Variants in SCHIP1 observed in about 807,000 individuals in gnomAD.
The protein encoded by SCHIP1 is schwannomin interacting protein 1, also known as schwannomin-interacting protein 1.
SCHIP1 carries 8 observed loss-of-function variants against 29.7 expected under a neutral mutation model. The ratio of observed to expected loss-of-function variants is 0.27; its 90% CI spans 0.16 to 0.49. The LOEUF (loss-of-function observed/expected upper bound fraction) is 0.49. Among genes scored for constraint, SCHIP1 ranks in the 20% least tolerant of loss-of-function variants. The pLI, the probability that SCHIP1 is intolerant of heterozygous loss-of-function variation, is 0.99. For synonymous variants in SCHIP1, 76 were observed against 94.9 expected, an observed-to-expected ratio of 0.80 and a Z score of 1.16; for missense variants, 193 against 294.6, an observed-to-expected ratio of 0.66 and a Z score of 2.52.
chr3:159,663,820 T>C, the SCHIP1 span, among the ~76,000 whole-genome samples: 1 of 152,180 alleles, frequency 6.6e-6, no homozygotes, highest in African/African-American at 2.4e-5. Flanking sequence ...GTATATATGA[T>C]ATACATTAAT....
the SCHIP1 span, among the ~76,000 whole-genome samples, chr3:159,406,446 G>A: frequency 1.3e-5 from 2 of 152,196 alleles, no homozygotes; most frequent in African/African-American, 4.8e-5. Context: ...AAAGCTGAGG[G>A]ACTTCATCAA....
chr3:159,284,442 A>C, the SCHIP1 span, among the ~76,000 whole-genome samples: 47 of 152,268 alleles, frequency 3.1e-4, no homozygotes, highest in East Asian at 8.1e-3. Flanking sequence ...TAATTAATAC[A>C]CTTTGATATT....
the SCHIP1 span, among the ~76,000 whole-genome samples, chr3:159,538,506 C>T: frequency 6.6e-6 from 1 of 152,252 alleles, no homozygotes; most frequent in African/African-American, 2.4e-5. Flanking sequence ...TTACCATCTC[C>T]TCTTGTGTGA....
the SCHIP1 span, among the ~76,000 whole-genome samples, chr3:159,564,367 G>A: frequency 6.6e-6 from 1 of 150,870 alleles, no homozygotes; most frequent in Admixed American, 6.6e-5. Flanking sequence ...CTACCAAGAG[G>A]AACCGTTATC....
chr3:159,640,936 CA>C, the SCHIP1 span, among the ~76,000 whole-genome samples: 1 of 152,158 alleles, frequency 6.6e-6, no homozygotes, highest in Non-Finnish European at 1.5e-5. Flanking sequence ...CATAATCTGG[CA>C]GGTGGCATGT....
At chr3:159,828,421 ATATATATACG>A in the SCHIP1 span, among the ~76,000 whole-genome samples, 10 of 97,200 alleles carry the variant, frequency 1.0e-4, no homozygotes, top group Non-Finnish European at 1.7e-4. Context: ...ATATATACGT[ATATATATACG>A]TATATATACG....
the SCHIP1 span, among the ~76,000 whole-genome samples, chr3:159,655,345 T>C: frequency 6.6e-6 from 1 of 152,116 alleles, no homozygotes; most frequent in Non-Finnish European, 1.5e-5. Flanking sequence ...GGGCAGAAGA[T>C]TCTGAAGCAT....
chr3:159,490,009 T>C, the SCHIP1 span, among the ~76,000 whole-genome samples: 2 of 152,258 alleles, frequency 1.3e-5, no homozygotes, highest in East Asian at 3.9e-4. Context: ...GTCCTCAGCA[T>C]TTTGCTTATA....
the SCHIP1 span, among the ~76,000 whole-genome samples, chr3:159,520,015 G>A: frequency 6.8e-6 from 1 of 148,036 alleles, no homozygotes; most frequent in Non-Finnish European, 1.5e-5. Context: ...TGAGTACAGA[G>A]TTATTCACTT....
At chr3:159,358,455 G>A in the SCHIP1 span, among the ~76,000 whole-genome samples, 1 of 152,212 alleles carries the variant, frequency 6.6e-6, no homozygotes, top group Non-Finnish European at 1.5e-5. Context: ...GCATGAGCAT[G>A]AACTATAACA....
At chr3:159,343,157 G>C in the SCHIP1 span, among the ~76,000 whole-genome samples, 1 of 152,054 alleles carries the variant, frequency 6.6e-6, no homozygotes, top group African/African-American at 2.4e-5. Flanking sequence ...GAGTTTAGAG[G>C]GGTCAGGCAA....
At chr3:159,796,725 TGG>T in the SCHIP1 span, among the ~76,000 whole-genome samples, 115,616 of 151,994 alleles carry the variant, frequency 0.76, 45,177 homozygotes, top group East Asian at 0.99. Flanking sequence ...ATTAAATATT[TGG>T]GGGTGACAGA....
chr3:159,753,702 C>T, the SCHIP1 span, among the ~76,000 whole-genome samples: 5 of 152,280 alleles, frequency 3.3e-5, 1 homozygote, highest in East Asian at 9.6e-4. Flanking sequence ...TCAAAAATAC[C>T]AGTCTGCTTT....
the SCHIP1 span, among the ~76,000 whole-genome samples, chr3:159,817,983 A>G: frequency 6.6e-6 from 1 of 152,198 alleles, no homozygotes; most frequent in Non-Finnish European, 1.5e-5. Flanking sequence ...TATTTATCCA[A>G]TGGTGAGACA....
At chr3:159,401,148 A>G in the SCHIP1 span, 1 of 976,010 alleles carries the variant, frequency 1.0e-6, no homozygotes, top group East Asian at 1.1e-4. Context: ...CCTCAAGTGT[A>G]AGATATTCAT....
the SCHIP1 span, among the ~76,000 whole-genome samples, chr3:159,470,346 C>T: frequency 1.3e-5 from 2 of 152,022 alleles, no homozygotes; most frequent in Non-Finnish European, 2.9e-5. Context: ...TGACTGTATA[C>T]ACAGACAGTC....
the SCHIP1 span, among the ~76,000 whole-genome samples, chr3:159,616,746 G>A: frequency 2.0e-5 from 3 of 151,948 alleles, no homozygotes. Context: ...CATGGAACAT[G>A]TCCCTTGCAA....
the SCHIP1 span, among the ~76,000 whole-genome samples, chr3:159,617,783 G>T: frequency 2.8e-3 from 426 of 152,136 alleles, 4 homozygotes; most frequent in African/African-American, 9.6e-3. Flanking sequence ...TACAGCTCCC[G>T]TGCTTATGAA....
At chr3:159,767,462 C>T in the SCHIP1 span, among the ~76,000 whole-genome samples, 29 of 152,130 alleles carry the variant, frequency 1.9e-4, no homozygotes, top group Admixed American at 1.1e-3. Context: ...GGACAGAAAC[C>T]GGAGAAGAAC....
Sources: gnomAD v4.1 joint callset for allele counts (sites outside exome capture counted in the v4.1 genomes callset) on GRCh38, gnomAD v4.1.1 for gene constraint, MANE v1.5 for transcripts, NCBI Gene and HGNC (gene_info 2026-07-23, HGNC 2026-07-21) for gene names.